The following PRKCB variants were observed in gnomAD, a reference collection of about 807,000 sequenced individuals.
The protein encoded by PRKCB is protein kinase C beta.
In PRKCB, 13 loss-of-function variants were observed where a neutral mutation model predicts 81.5. The ratio of observed to expected loss-of-function variants is 0.16; its 90% CI spans 0.10 to 0.25. The LOEUF is 0.25. Ranked by LOEUF, PRKCB falls within the 10% of genes least tolerant of loss-of-function variation. The probability of loss-of-function intolerance (pLI) is 1.00; values close to 1 mark genes in which losing one functional copy is unlikely to be tolerated. For missense variants in PRKCB, 509 were observed against 875.7 expected (o/e 0.58, Z 5.29); for synonymous variants, 335 against 321.4 (o/e 1.04, Z -0.45).
chr16:23,990,034 G>A (rs1430207602), intron 3 of PRKCB, among the ~76,000 whole-genome samples: 1 of 152,058 alleles, frequency 6.6e-6, no homozygotes, highest in Non-Finnish European at 1.5e-5. Flanking sequence ...GGTCAATGAG[G>A]GACACATTGC....
chr16:23,992,777 G>A (rs1378989086), intron 3 of PRKCB, among the ~76,000 whole-genome samples: 5 of 152,210 alleles, frequency 3.3e-5, no homozygotes, highest in Non-Finnish European at 7.3e-5. Context: ...CACACAGGGT[G>A]TCTGCTCTAA....
At chr16:24,131,023 C>T (rs186565854) in intron 9 of PRKCB, among the ~76,000 whole-genome samples, 109 of 152,318 alleles carry the variant, frequency 7.2e-4, no homozygotes, top group Non-Finnish European at 1.3e-3. Context: ...ACTTCAAGTG[C>T]CTCTTTTCTG....
At chr16:23,918,648 C>T (rs1414187039) in intron 2 of PRKCB, among the ~76,000 whole-genome samples, 3 of 152,146 alleles carry the variant, frequency 2.0e-5, no homozygotes, top group Non-Finnish European at 2.9e-5. Context: ...CCACCCGCCT[C>T]GGCCTCCCAA....
At chr16:23,928,103 G>T (rs1311801234) in intron 2 of PRKCB, among the ~76,000 whole-genome samples, 3 of 151,844 alleles carry the variant, frequency 2.0e-5, no homozygotes. Flanking sequence ...AATGTATAGG[G>T]CTGTTTCCAC....
intron 2 of PRKCB, among the ~76,000 whole-genome samples, chr16:23,863,718 C>T (rs138382965): frequency 1.1e-4 from 16 of 152,282 alleles, no homozygotes; most frequent in East Asian, 1.9e-4. Flanking sequence ...CAGTCTTGTC[C>T]GCTTCCAATC....
At position 23,845,857 on chromosome 16, in the gene PRKCB, T is replaced by A. The variant is rs999396848; in HGVS notation, c.205+8451T>A. Among the ~76,000 whole-genome samples, 12 of 152,166 alleles carry A rather than the reference T, an allele frequency of 7.9e-5. No individual in the cohort carries two copies. The East Asian group carries it at 1.5e-3, about 20-fold the overall frequency. The stretch of plus-strand genomic sequence containing the variant: ...AGGGTTTACAGTTTGAGGTGGCTGT[T>A]CTAAAGAAGAAAAATCAGACAATTT... On this transcript the variant is annotated intron_variant, in intron 2 of 16. Coordinates refer to ENST00000643927, the MANE Select transcript of PRKCB (RefSeq NM_002738.7).
At chr16:23,945,952 G>C (rs1447996673) in intron 2 of PRKCB, among the ~76,000 whole-genome samples, 1 of 152,086 alleles carries the variant, frequency 6.6e-6, no homozygotes, top group South Asian at 2.1e-4. Flanking sequence ...ATTGGGCAAC[G>C]ACTAATAGCA....
intron 2 of PRKCB, among the ~76,000 whole-genome samples, chr16:23,981,581 T>C (rs1367201716): frequency 7.0e-5 from 2 of 28,660 alleles, no homozygotes; most frequent in East Asian, 2.4e-3. Flanking sequence ...TTTCTTTTCC[T>C]TTCCTTTCCT....
At chr16:24,176,317 G>A (rs555691010) in intron 12 of PRKCB, among the ~76,000 whole-genome samples, 8 of 152,190 alleles carry the variant, frequency 5.3e-5, no homozygotes, top group Non-Finnish European at 1.2e-4. Flanking sequence ...AGAAGCTGAG[G>A]CAAGAGGATC....
In PRKCB at chr16:24,016,666, A is replaced by G. The variant is rs543380240; in HGVS notation, c.289-15470A>G. On this transcript the variant is annotated intron_variant, in intron 3 of 16. Coordinates refer to ENST00000643927, the MANE Select transcript of PRKCB (RefSeq NM_002738.7). ...AGGAATAAATACTTAGGCCCCAACT[A>G]AGAGAGTTTATGGGGGAAAAAATCT... 3.3e-5 allele frequency among the ~76,000 whole-genome samples: 5 copies of G among 151,870 alleles called. No individual in the cohort carries two copies. In the South Asian group the frequency reaches 1.0e-3, roughly 32 times the overall value.
intron 2 of PRKCB, among the ~76,000 whole-genome samples, chr16:23,913,900 C>G (rs1270422843): frequency 6.6e-6 from 1 of 152,218 alleles, no homozygotes; most frequent in African/African-American, 2.4e-5. Flanking sequence ...TTAAGCTGTG[C>G]CCCCTGTGTG....
intron 10 of PRKCB, among the ~76,000 whole-genome samples, chr16:24,162,642 G>A (rs1967277135): frequency 6.6e-6 from 1 of 151,664 alleles, no homozygotes; most frequent in South Asian, 2.1e-4. Flanking sequence ...TGTAGAGATG[G>A]GGTTGAGACC....
intron 5 of PRKCB, among the ~76,000 whole-genome samples, chr16:24,061,910 T>TTAAAAAAAAAAAA (rs1435113766): frequency 1.1e-5 from 1 of 93,760 alleles, no homozygotes; most frequent in Non-Finnish European, 2.2e-5. Context: ...CTTAAATAAA[T>TTAAAAAAAAAAAA]AAAAAAAAAA....
Position 24,123,925 on chromosome 16 carries a change from A to G in PRKCB, c.1009A>G (p.Met337Val). ...TGACAACAATGGCAACAGAGACCGG[A>G]TGAAACTGACCGATTTTAACTTCCT... ...KFDNNGNRDR[M>V]KLTDFNFLMV... The change falls in exon 9 of 17, where the codon ATG becomes GTG. Residue 337 changes from methionine (M) to valine (V), a missense_variant. Around this residue, in one of 6 missense-constraint regions of PRKCB, gnomAD observed 80 missense variants for 89.4 expected, o/e 0.90. Transcript: ENST00000643927. 1 of 1,614,204 alleles carries G rather than the reference A, an allele frequency of 6.2e-7. No individual in the cohort carries two copies. The highest frequency in any genetic ancestry group is 8.5e-7 in the Non-Finnish European group (1 of 1,180,028).
At chr16:23,934,827 G>A (rs1321797022) in intron 2 of PRKCB, among the ~76,000 whole-genome samples, 1 of 152,144 alleles carries the variant, frequency 6.6e-6, no homozygotes, top group African/African-American at 2.4e-5. Flanking sequence ...GGGGAGGAAA[G>A]AGGAGGAGGA....
At chr16:24,154,539 G>A (rs1967126642) in intron 9 of PRKCB, 145 bp from the exon 10 acceptor site, 2 of 720,982 alleles carry the variant, frequency 2.8e-6, no homozygotes, top group East Asian at 2.7e-5. Flanking sequence ...AAAGTGTGAA[G>A]TCAATAGAAA....
At chr16:23,958,493 TG>T in intron 2 of PRKCB, among the ~76,000 whole-genome samples, 1 of 151,098 alleles carries the variant, frequency 6.6e-6, no homozygotes, top group Admixed American at 6.6e-5. Context: ...TTAGTAGAGA[TG>T]GGGTGTCACC....
At chr16:24,047,074 C>T (rs773082764) in intron 5 of PRKCB, among the ~76,000 whole-genome samples, 5 of 151,994 alleles carry the variant, frequency 3.3e-5, no homozygotes, top group Non-Finnish European at 7.4e-5. Flanking sequence ...TGCGGTGGCT[C>T]ATGCCTGTAA....
At chr16:24,038,054 C>T (rs958476015) in intron 5 of PRKCB, among the ~76,000 whole-genome samples, 1 of 151,922 alleles carries the variant, frequency 6.6e-6, no homozygotes, top group Non-Finnish European at 1.5e-5. Flanking sequence ...TGGTGGTGCA[C>T]GACTGTAATC....
Sources: gnomAD v4.1 joint callset for allele counts (sites outside exome capture counted in the v4.1 genomes callset) on GRCh38, gnomAD v4.1.1 for gene constraint, gnomAD v4.1.1 regional missense constraint, MANE v1.5 for transcripts, NCBI Gene and HGNC (gene_info 2026-07-23, HGNC 2026-07-21) for gene names.